The following CPN1 variants were observed in gnomAD, a reference collection of about 807,000 sequenced individuals.
CPN1 encodes the protein carboxypeptidase N catalytic chain.
Under a neutral mutation model 46.4 loss-of-function variants are expected in CPN1, and 37 were observed. The ratio of observed to expected loss-of-function variants is 0.80; its 90% confidence interval spans 0.61 to 1.05. The LOEUF is 1.05. Ranked by LOEUF, CPN1 falls within the 50% of genes least tolerant of loss-of-function variation. CPN1 has a pLI of 0.00. For synonymous variants in CPN1, 224 were observed against 235.4 expected (o/e 0.95, Z 0.44); for missense variants, 563 against 602.6 (o/e 0.93, Z 0.69).
At chr10:100,069,576 C>T in intron 3 of CPN1, 138 bp downstream of exon 3, 1 of 995,388 alleles carries the variant, frequency 1.0e-6, no homozygotes, top group Non-Finnish European at 1.6e-6. Flanking sequence ...TATATTATTG[C>T]TCTAGATGGG....
chr10:100,076,646 A>G (rs559004724), intron 1 of CPN1, among the ~76,000 whole-genome samples: 30 of 152,342 alleles, frequency 2.0e-4, no homozygotes, highest in African/African-American at 7.0e-4. Context: ...TTGGCACTTG[A>G]AAAGTTTCTT....
chr10:100,070,288 C>T (rs1390976962), intron 2 of CPN1, among the ~76,000 whole-genome samples: 1 of 151,818 alleles, frequency 6.6e-6, no homozygotes, highest in African/African-American at 2.4e-5. Context: ...TCAAGATCAG[C>T]CTGGCCAAAA....
chr10:100,077,706 C>T (rs77596739), intron 1 of CPN1, among the ~76,000 whole-genome samples: 5,351 of 151,986 alleles, frequency 0.035, 320 homozygotes, highest in African/African-American at 0.12. Context: ...TTTTCCATAG[C>T]GAGTATTCTT....
At chr10:100,044,954 G>A (rs537167273) in intron 8 of CPN1, among the ~76,000 whole-genome samples, 2 of 152,062 alleles carry the variant, frequency 1.3e-5, no homozygotes, top group Non-Finnish European at 2.9e-5. Context: ...CAAGTGATCC[G>A]CCTGCCTCAG....
chr10:100,058,403 C>T (rs796501954), intron 5 of CPN1, among the ~76,000 whole-genome samples: 25 of 152,128 alleles, frequency 1.6e-4, no homozygotes, highest in African/African-American at 6.0e-4. Context: ...CTGAAAATAC[C>T]CATCCCAGAA....
intron 1 of CPN1, among the ~76,000 whole-genome samples, chr10:100,079,798 G>C (rs781383010): frequency 9.2e-5 from 14 of 152,164 alleles, no homozygotes; most frequent in Non-Finnish European, 1.6e-4. Context: ...CGAAGTTAGA[G>C]ACCTGGCTGG....
intron 6 of CPN1, among the ~76,000 whole-genome samples, chr10:100,056,093 C>T (rs773903942): frequency 1.3e-5 from 2 of 152,114 alleles, no homozygotes; most frequent in Non-Finnish European, 2.9e-5. Flanking sequence ...ATGATTGTAC[C>T]ACTTTACATT....
intron 8 of CPN1, among the ~76,000 whole-genome samples, chr10:100,046,968 G>A (rs757861296): frequency 5.3e-5 from 8 of 152,074 alleles, no homozygotes; most frequent in Admixed American, 2.0e-4. Context: ...CAGCTACTTG[G>A]GAGGCTGAGG....
At position 100,054,327 on chromosome 10, in the gene CPN1, C is replaced by T. The variant is rs2041372772; in HGVS notation, c.1111+20G>A. The stretch of plus-strand genomic sequence containing the variant: ...CAGGAGTTAACGCTTCCTTCTTACC[C>T]CTAAGCAGTGACCACCTACCTGAAG... On this transcript the variant is annotated intron_variant, in intron 7 of 8. Coordinates refer to ENST00000370418, the MANE Select transcript of CPN1 (RefSeq NM_001308.3). 6.3e-7 allele frequency: 1 copy of T among 1,591,988 alleles called. No homozygotes were observed. The highest frequency in any genetic ancestry group is 8.6e-7 in the Non-Finnish European group (1 of 1,159,950).
intron 5 of CPN1, among the ~76,000 whole-genome samples, chr10:100,062,995 G>A (rs960519110): frequency 6.6e-6 from 1 of 152,062 alleles, no homozygotes; most frequent in Non-Finnish European, 1.5e-5. Context: ...GGGCATGAGA[G>A]TTTCAACCCA....
chr10:100,048,662 G>T, intron 8 of CPN1, 96 bp downstream of exon 8: 1 of 920,450 alleles, frequency 1.1e-6, no homozygotes. Flanking sequence ...TGGTGCCACT[G>T]CACTCCAGCC....
At chr10:100,043,126 G>T (rs1250386338) in intron 8 of CPN1, among the ~76,000 whole-genome samples, 13 of 145,862 alleles carry the variant, frequency 8.9e-5, no homozygotes, top group Non-Finnish European at 1.8e-4. Context: ...AATTAGGTTG[G>T]GCATGGTGGC....
chr10:100,076,135 G>A (rs2041513884), intron 1 of CPN1, 28 bp from the exon 2 acceptor site: 4 of 1,610,592 alleles, frequency 2.5e-6, no homozygotes, highest in Non-Finnish European at 3.4e-6. Flanking sequence ...GATGGGGGAA[G>A]CTTGGAAGTG....
At chr10:100,070,736 T>TA (rs1352983843) in intron 2 of CPN1, among the ~76,000 whole-genome samples, 3 of 152,160 alleles carry the variant, frequency 2.0e-5, no homozygotes, top group African/African-American at 7.2e-5. Context: ...GAAGTTCTAA[T>TA]AAGAGTAGGG....
intron 5 of CPN1, among the ~76,000 whole-genome samples, chr10:100,057,889 T>A (rs1387322316): frequency 6.6e-6 from 1 of 152,198 alleles, no homozygotes; most frequent in Non-Finnish European, 1.5e-5. Context: ...AATGCTGGGT[T>A]AGCTTTACAG....
In CPN1 at chr10:100,065,213, G is replaced by T. The variant is rs371070915; in HGVS notation, c.734C>A (p.Thr245Lys). 4 of 1,613,882 alleles carry T rather than the reference G, an allele frequency of 2.5e-6. No individual in the cohort carries two copies. Among genetic ancestry groups the T allele is most frequent in the African/African-American group, 1.3e-5 (1 of 74,932 alleles). The change falls in exon 4 of 9, where the codon ACG becomes AAG. Residue 245 changes from threonine to lysine, a missense_variant. Coordinates refer to ENST00000370418, the MANE Select transcript of CPN1 (RefSeq NM_001308.3). Reference sequence around the variant, plus strand: ...CTTCTGGAAGAGCTTGTCGTCAGGCGTGGGGGTGCTGGCGGTGCGGCGGAC... The same window carrying T: ...CTTCTGGAAGAGCTTGTCGTCAGGCTTGGGGGTGCTGGCGGTGCGGCGGAC... Reference protein sequence around the residue: ...RGVRRTASTPTPDDKLFQKLA... With the variant: ...RGVRRTASTPKPDDKLFQKLA...
intron 3 of CPN1, 24 bp from the exon 4 acceptor site, chr10:100,065,394 G>C: frequency 4.3e-6 from 7 of 1,613,696 alleles, no homozygotes; most frequent in Non-Finnish European, 5.9e-6. Context: ...AGAGGTTGGC[G>C]GTGAAGGGCC....
chr10:100,048,991 C>T (rs971147211), intron 7 of CPN1, 115 bp from the exon 8 acceptor site: 4 of 743,974 alleles, frequency 5.4e-6, no homozygotes, highest in Admixed American at 1.9e-5. Context: ...CGGGGTCTTG[C>T]TCTGTCACCC....
intron 6 of CPN1, among the ~76,000 whole-genome samples, chr10:100,056,236 T>C (rs952114682): frequency 6.6e-6 from 1 of 152,224 alleles, no homozygotes; most frequent in African/African-American, 2.4e-5. Flanking sequence ...TGCATTTCCC[T>C]AATGATTAGT....
Sources: gnomAD v4.1 joint callset for allele counts (sites outside exome capture counted in the v4.1 genomes callset) on GRCh38, gnomAD v4.1.1 for gene constraint, MANE v1.5 for transcripts, NCBI Gene and HGNC (gene_info 2026-07-23, HGNC 2026-07-21) for gene names.